Variants in ACTG2 observed in about 807,000 individuals in gnomAD.
The protein encoded by ACTG2 is actin, gamma-enteric smooth muscle.
A neutral mutation model predicts 37.6 loss-of-function variants in ACTG2; 16 were observed. The observed-to-expected ratio is 0.43, with a 90% CI of 0.29 to 0.65. ACTG2 has a LOEUF of 0.65. Among genes scored for constraint, ACTG2 ranks in the 30% least tolerant of loss-of-function variants. The pLI is 0.18. For missense variants in ACTG2, 238 were observed against 490.9 expected, an observed-to-expected ratio of 0.48 and a Z score of 4.87; for synonymous variants, 181 against 179.9, an observed-to-expected ratio of 1.01 and a Z score of -0.05.
At position 73,914,529 on chromosome 2, in the gene ACTG2, A is replaced by T. The variant is rs141908253; in HGVS notation, c.614-151A>T. On this transcript the variant is annotated intron_variant, in intron 6 of 8. Coordinates refer to ENST00000345517, the MANE Select transcript of ACTG2 (RefSeq NM_001615.4). The stretch of plus-strand genomic sequence containing the variant: ...AGCCAAGATAGCACCACTGCACTTC[A>T]GTCTGGGTGACAGAGTGAGACTCTG... 58 of 559,446 alleles carry T rather than the reference A, an allele frequency of 1.0e-4. No individual in the cohort carries two copies. In the African/African-American group the frequency reaches 1.1e-3, roughly 11 times the overall value. 34.7% of individuals were successfully genotyped at this position (559,446 alleles called of 1,614,324 possible). A position where few individuals can be genotyped will look rare whatever the true frequency, so the allele number is the denominator to read the frequency against.
At chr2:73,900,889 G>A (rs915857820) in intron 1 of ACTG2, among the ~76,000 whole-genome samples, 3 of 151,858 alleles carry the variant, frequency 2.0e-5, no homozygotes, top group Non-Finnish European at 4.4e-5. Context: ...GCATCCTCCC[G>A]TGGCCTACCC....
intron 3 of ACTG2, among the ~76,000 whole-genome samples, chr2:73,906,770 A>AATATTTTT (rs1161592905): frequency 2.0e-5 from 3 of 152,140 alleles, no homozygotes; most frequent in African/African-American, 7.2e-5. Context: ...AAGTCACCAC[A>AATATTTTT]CTCGACCTTA....
chr2:73,917,222 G>A (rs563026634), intron 8 of ACTG2, among the ~76,000 whole-genome samples: 2 of 151,954 alleles, frequency 1.3e-5, no homozygotes, highest in South Asian at 2.1e-4. Context: ...ATATTGAGAG[G>A]GTTAAGAAGG....
At chr2:73,908,290 C>G (rs1370820666) in intron 3 of ACTG2, 1 of 472,344 alleles carries the variant, frequency 2.1e-6, no homozygotes, top group Admixed American at 2.3e-5. Context: ...TACTTTCCAG[C>G]CTCTTGCAGG....
chr2:73,904,780 T>C (rs1363617634), intron 3 of ACTG2, among the ~76,000 whole-genome samples: 46 of 14,374 alleles, frequency 3.2e-3, no homozygotes, highest in African/African-American at 0.013. Flanking sequence ...TGTGTGTGTA[T>C]ATATATATAT....
At chr2:73,913,787 C>A in intron 6 of ACTG2, 141 bp downstream of exon 6, 1 of 696,488 alleles carries the variant, frequency 1.4e-6, no homozygotes, top group Non-Finnish European at 2.3e-6. Flanking sequence ...TAAGCTGGGG[C>A]TAGGCCTCTG....
intron 1 of ACTG2, among the ~76,000 whole-genome samples, chr2:73,894,638 G>C (rs1039379579): frequency 6.6e-6 from 1 of 151,870 alleles, no homozygotes; most frequent in African/African-American, 2.4e-5. Flanking sequence ...AAGGGGTAAA[G>C]GCCAGGAGGA....
chr2:73,914,831 C>T lies in ACTG2; in HGVS notation c.765C>T (p.Arg255=). 2 of 1,604,668 alleles carry T rather than the reference C, an allele frequency of 1.2e-6. No individual in the cohort carries two copies. The highest frequency in any genetic ancestry group is 1.7e-6 in the Non-Finnish European group (2 of 1,173,482). ...DGQVITIGNE[R]FRCPETLFQP... Reference sequence around the variant, plus strand: ...AGGTTATCACCATTGGCAATGAGCGCTTCCGCTGCCCTGAGACCCTCTTCC... The same window carrying T: ...AGGTTATCACCATTGGCAATGAGCGTTTCCGCTGCCCTGAGACCCTCTTCC... Residue 255 remains arginine (R), a synonymous_variant, in exon 7 of 9, where the codon CGC becomes CGT. Transcript: ENST00000345517.
intron 1 of ACTG2, among the ~76,000 whole-genome samples, chr2:73,893,530 T>C (rs1679676560): frequency 6.6e-6 from 1 of 152,194 alleles, no homozygotes; most frequent in Non-Finnish European, 1.5e-5. Context: ...GGTATTTTCT[T>C]CAGGTCCCCT....
chr2:73,918,790 C>T (rs1680322240), intron 8 of ACTG2, among the ~76,000 whole-genome samples: 1 of 152,204 alleles, frequency 6.6e-6, no homozygotes, highest in Admixed American at 6.5e-5. Flanking sequence ...CTGGTTTATA[C>T]TCAGGCATGG....
Position 73,901,308 on chromosome 2 carries a change from C to T in ACTG2, c.-4C>T, listed in dbSNP as rs1679867257. On this transcript the variant is annotated 5_prime_UTR_variant, in exon 2 of 9. Coordinates refer to ENST00000345517, the MANE Select transcript of ACTG2 (RefSeq NM_001615.4). The stretch of plus-strand genomic sequence containing the variant: ...AGTCCCCAGCTCACTCAGCCACACA[C>T]ACCATGTGTGAAGAGGAGACCACCG... 1 of 1,599,410 alleles carries T rather than the reference C, an allele frequency of 6.3e-7. No individual in the cohort carries two copies.
intron 3 of ACTG2, among the ~76,000 whole-genome samples, chr2:73,903,959 A>AAAAAAAAAAAAAC (rs1679949397): frequency 1.0e-5 from 1 of 96,148 alleles, no homozygotes; most frequent in Non-Finnish European, 2.0e-5. Context: ...AAAAAAAAAA[A>AAAAAAAAAAAAAC]CAAAAAAAAA....
At chr2:73,917,083 G>A (rs551284863) in intron 8 of ACTG2, among the ~76,000 whole-genome samples, 11 of 152,180 alleles carry the variant, frequency 7.2e-5, no homozygotes, top group Admixed American at 5.2e-4. Flanking sequence ...AAGCCAAGGT[G>A]GGAGGATCAC....
rs894292495 is a variant in ACTG2, at chr2:73,919,656, T to A, written c.*81T>A. 4.0e-6 allele frequency: 6 copies of A among 1,498,758 alleles called. No homozygotes were observed. Among genetic ancestry groups the A allele is most frequent in the Non-Finnish European group, 5.4e-6 (6 of 1,106,676 alleles). 92.8% of individuals were successfully genotyped at this position (1,498,758 alleles called of 1,614,324 possible). ...AACATTAAAACCTACAAGCCTTACTTCTCTGTGTGGGGCTCTTTTTTCCTG... is the reference window on the plus strand; with the variant it reads ...AACATTAAAACCTACAAGCCTTACTACTCTGTGTGGGGCTCTTTTTTCCTG... On this transcript the variant is annotated 3_prime_UTR_variant, in exon 9 of 9. Transcript: ENST00000345517.
intron 5 of ACTG2, among the ~76,000 whole-genome samples, chr2:73,912,175 T>G (rs1034085598): frequency 6.6e-6 from 1 of 152,238 alleles, no homozygotes; most frequent in Non-Finnish European, 1.5e-5. Context: ...GTTTTCATTT[T>G]GAGATGCAGT....
intron 3 of ACTG2, among the ~76,000 whole-genome samples, chr2:73,904,777 G>GTGTGTGTA (rs1427483105): frequency 4.7e-5 from 2 of 42,632 alleles, no homozygotes; most frequent in Non-Finnish European, 9.5e-5. Context: ...GTGTGTGTGT[G>GTGTGTGTA]TATATATATA....
chr2:73,906,657 T>C (rs1680023032), intron 3 of ACTG2, among the ~76,000 whole-genome samples: 1 of 151,946 alleles, frequency 6.6e-6, no homozygotes, highest in African/African-American at 2.4e-5. Context: ...TTTTAATTTT[T>C]TGTAGAGACA....
Position 73,913,534 on chromosome 2 carries a change from T to A in ACTG2, c.501T>A (p.Tyr167Ter). 2 of 1,613,756 alleles carry A rather than the reference T, an allele frequency of 1.2e-6. No homozygotes were observed. The highest frequency in any genetic ancestry group is 1.7e-6 in the Non-Finnish European group (2 of 1,179,780). ...GDGVTHNVPI[Y>*]EGYALPHAIM... ...GCGTCACCCACAATGTCCCCATCTATGAAGGCTATGCCCTGCCCCATGCCA... is the reference window on the plus strand; with the variant it reads ...GCGTCACCCACAATGTCCCCATCTAAGAAGGCTATGCCCTGCCCCATGCCA... Residue 167 changes from tyrosine (Y) to a stop codon, truncating the protein, a stop_gained, in exon 6 of 9, where the codon TAT becomes TAA. Coordinates refer to ENST00000345517, the MANE Select transcript of ACTG2 (RefSeq NM_001615.4). LOFTEE classifies it high-confidence loss of function.
At position 73,899,991 on chromosome 2, in the gene ACTG2, C is replaced by T. The variant is rs115501680; in HGVS notation, c.-36-1285C>T. The stretch of plus-strand genomic sequence containing the variant: ...GCATCTACCTAGCCTTCAGACCTCG[C>T]GTTCTCAGGCCTGTGGTGCTGTCTC... On this transcript the variant is annotated intron_variant, in intron 1 of 8. Transcript: ENST00000345517. Among the ~76,000 whole-genome samples, 498 of 152,330 alleles carry T rather than the reference C, an allele frequency of 3.3e-3. 3 individuals carry two copies. The highest frequency in any genetic ancestry group is 0.011 in the African/African-American group (476 of 41,582).
Sources: allele counts gnomAD v4.1 joint callset (sites outside exome capture counted in the v4.1 genomes callset), GRCh38; gene constraint gnomAD v4.1.1; transcripts MANE v1.5; gene names NCBI Gene and HGNC (gene_info 2026-07-23, HGNC 2026-07-21).